CDH4: variants seen among roughly 807,000 people sequenced by gnomAD.
The protein encoded by CDH4 is cadherin 4, also known as cadherin-4.
A neutral mutation model predicts 86.0 loss-of-function variants in CDH4; 33 were observed. The ratio of observed to expected loss-of-function variants is 0.38; its 90% CI spans 0.29 to 0.51. The LOEUF is 0.51. Among genes scored for constraint, CDH4 ranks in the 20% least tolerant of loss-of-function variants. The pLI is 0.86. For missense variants in CDH4, 1,114 were observed against 1,307.4 expected (o/e 0.85, Z 2.28); for synonymous variants, 555 against 549.4 (o/e 1.01, Z -0.14).
intron 2 of CDH4, among the ~76,000 whole-genome samples, chr20:61,341,778 G>A (rs183059158): frequency 5.3e-5 from 8 of 152,244 alleles, no homozygotes; most frequent in African/African-American, 1.7e-4. Flanking sequence ...ACCATTTTCA[G>A]CACAGGGCAT....
At chr20:61,857,488 G>A (rs577925555) in intron 6 of CDH4, among the ~76,000 whole-genome samples, 3 of 152,328 alleles carry the variant, frequency 2.0e-5, no homozygotes, top group East Asian at 3.9e-4. Context: ...CTGAAATGAC[G>A]GGAGGGCCGA....
intron 2 of CDH4, among the ~76,000 whole-genome samples, chr20:61,602,168 G>C (rs1416024710): frequency 6.6e-6 from 1 of 152,202 alleles, no homozygotes; most frequent in Non-Finnish European, 1.5e-5. Flanking sequence ...GGCTCGGAGG[G>C]TGTCCAGCTG....
intron 2 of CDH4, among the ~76,000 whole-genome samples, chr20:61,413,087 G>C (rs77971385): frequency 6.6e-6 from 1 of 152,074 alleles, no homozygotes; most frequent in Non-Finnish European, 1.5e-5. Context: ...CACCCTTCCC[G>C]GTCTTTGCAT....
At chr20:61,579,296 T>TC (rs1463675627) in intron 2 of CDH4, among the ~76,000 whole-genome samples, 1 of 150,022 alleles carries the variant, frequency 6.7e-6, no homozygotes, top group East Asian at 2.0e-4. Flanking sequence ...TTTTTTTTTT[T>TC]TTTTTTTTGA....
intron 3 of CDH4, among the ~76,000 whole-genome samples, chr20:61,750,175 A>C (rs900826931): frequency 6.6e-6 from 1 of 152,222 alleles, no homozygotes; most frequent in African/African-American, 2.4e-5. Context: ...AGGAGAAAAC[A>C]ATGAAACAGA....
intron 2 of CDH4, among the ~76,000 whole-genome samples, chr20:61,409,104 G>T (rs141099252): frequency 1.3e-5 from 2 of 152,342 alleles, no homozygotes; most frequent in African/African-American, 2.4e-5. Context: ...GCTTGGGCTG[G>T]CACAGATGCC....
chr20:61,253,422 C>T (rs1235625564), intron 1 of CDH4, among the ~76,000 whole-genome samples: 1 of 151,974 alleles, frequency 6.6e-6, no homozygotes, highest in Non-Finnish European at 1.5e-5. Flanking sequence ...TGGGCGGAGG[C>T]GGAGGGGCGG....
chr20:61,281,044 G>A (rs959654402), intron 2 of CDH4, among the ~76,000 whole-genome samples: 1 of 152,222 alleles, frequency 6.6e-6, no homozygotes, highest in African/African-American at 2.4e-5. Context: ...AACTAGGAGG[G>A]ACATAATGGT....
At chr20:61,279,142 T>C (rs1207913258) in intron 2 of CDH4, among the ~76,000 whole-genome samples, 1 of 152,190 alleles carries the variant, frequency 6.6e-6, no homozygotes, top group Admixed American at 6.5e-5. Flanking sequence ...AAAGTCTCCG[T>C]CACAGCCTTT....
intron 2 of CDH4, among the ~76,000 whole-genome samples, chr20:61,625,634 T>C (rs898582575): frequency 1.4e-4 from 21 of 152,212 alleles, no homozygotes; most frequent in African/African-American, 5.1e-4. Context: ...TTTTAAATTT[T>C]GTTTTTCAGG....
intron 2 of CDH4, chr20:61,435,615 C>T (rs887224591): frequency 6.6e-6 from 1 of 152,346 alleles, no homozygotes; most frequent in African/African-American, 2.4e-5. Flanking sequence ...CCAGCCTGGG[C>T]CGAGCCTGGG....
intron 2 of CDH4, among the ~76,000 whole-genome samples, chr20:61,609,387 G>A (rs952718965): frequency 1.3e-5 from 2 of 152,330 alleles, no homozygotes; most frequent in African/African-American, 4.8e-5. Flanking sequence ...CTGGCCTCGT[G>A]CAATGCAGCG....
intron 9 of CDH4, among the ~76,000 whole-genome samples, chr20:61,914,475 GCTT>G (rs2054884173): frequency 6.7e-6 from 1 of 149,472 alleles, no homozygotes; most frequent in Admixed American, 6.6e-5. Context: ...TGGGACTTGT[GCTT>G]CTTCTTCCCG....
intron 2 of CDH4, among the ~76,000 whole-genome samples, chr20:61,519,893 G>A (rs2085856331): frequency 6.6e-6 from 1 of 152,168 alleles, no homozygotes; most frequent in African/African-American, 2.4e-5. Context: ...GCCCACCTGA[G>A]ACATGACTGC....
At chr20:61,900,288 G>A (rs941764661) in intron 8 of CDH4, among the ~76,000 whole-genome samples, 4 of 151,946 alleles carry the variant, frequency 2.6e-5, no homozygotes, top group Non-Finnish European at 4.4e-5. Context: ...CTTAAAATTA[G>A]AACGGACTCA....
At chr20:61,581,007 C>G (rs2086423947) in intron 2 of CDH4, among the ~76,000 whole-genome samples, 1 of 152,216 alleles carries the variant, frequency 6.6e-6, no homozygotes, top group African/African-American at 2.4e-5. Context: ...ATTAGGGCTT[C>G]TCCCAAATTA....
intron 3 of CDH4, among the ~76,000 whole-genome samples, chr20:61,759,021 G>C (rs1257236171): frequency 6.6e-6 from 1 of 152,228 alleles, no homozygotes; most frequent in African/African-American, 2.4e-5. Flanking sequence ...GAGTATATGT[G>C]TGTGCACATG....
chr20:61,426,370 A>G (rs1250188803), intron 2 of CDH4, among the ~76,000 whole-genome samples: 4 of 152,182 alleles, frequency 2.6e-5, no homozygotes, highest in African/African-American at 9.7e-5. Context: ...TGCCGTGTCT[A>G]ACTCATAGGC....
chr20:61,399,054 C>T (rs1018807624), intron 2 of CDH4, among the ~76,000 whole-genome samples: 5 of 151,786 alleles, frequency 3.3e-5, no homozygotes, highest in African/African-American at 7.3e-5. Context: ...ATTATTTATA[C>T]TAAGTCCTTA....
Sources: gnomAD v4.1 joint callset for allele counts (sites outside exome capture counted in the v4.1 genomes callset) on GRCh38, gnomAD v4.1.1 for gene constraint, MANE v1.5 for transcripts, NCBI Gene and HGNC (gene_info 2026-07-23, HGNC 2026-07-21) for gene names.